Variants in AUTS2 observed in about 807,000 individuals in gnomAD.
AUTS2 encodes the protein activator of transcription and developmental regulator AUTS2, also known as autism susceptibility gene 2 protein.
Under a neutral mutation model 112.4 loss-of-function variants are expected in AUTS2, and 17 were observed. That is an observed-to-expected ratio of 0.15 (90% confidence interval 0.10 to 0.23). The LOEUF (loss-of-function observed/expected upper bound fraction) is 0.23. Ranked by LOEUF, AUTS2 falls within the 10% of genes least tolerant of loss-of-function variation. The pLI is 1.00. For missense variants in AUTS2, 1,510 were observed against 1,701.6 expected (o/e 0.89, Z 1.98); for synonymous variants, 751 against 702.7 (o/e 1.07, Z -1.09).
chr7:70,506,034 T>G (rs3094893), intron 5 of AUTS2, among the ~76,000 whole-genome samples: 44,497 of 152,034 alleles, frequency 0.29, 7,169 homozygotes, highest in African/African-American at 0.41. Context: ...GTTTGTACCT[T>G]GTTTGAGATC....
At chr7:70,053,417 C>T (rs1180355956) in intron 2 of AUTS2, among the ~76,000 whole-genome samples, 3 of 152,136 alleles carry the variant, frequency 2.0e-5, no homozygotes, top group Non-Finnish European at 4.4e-5. Flanking sequence ...GGCCAGGCAC[C>T]AAAGTGAATA....
At chr7:69,847,107 G>A (rs745652740) in intron 1 of AUTS2, among the ~76,000 whole-genome samples, 1 of 152,096 alleles carries the variant, frequency 6.6e-6, no homozygotes, top group East Asian at 1.9e-4. Context: ...CTACCCCCCA[G>A]TACATGCATA....
chr7:69,782,691 T>A (rs1359514893), intron 1 of AUTS2, among the ~76,000 whole-genome samples: 1 of 151,982 alleles, frequency 6.6e-6, no homozygotes, highest in African/African-American at 2.4e-5. Context: ...AAAAAAAAAA[T>A]CAGACATTAC....
At chr7:69,634,151 G>C (rs1294801201) in intron 1 of AUTS2, among the ~76,000 whole-genome samples, 1 of 150,162 alleles carries the variant, frequency 6.7e-6, no homozygotes, top group African/African-American at 2.5e-5. Flanking sequence ...ACGGAGTCTC[G>C]CTCTGTGGCC....
At chr7:70,690,160 T>C (rs1042275985) in intron 5 of AUTS2, among the ~76,000 whole-genome samples, 2 of 152,176 alleles carry the variant, frequency 1.3e-5, no homozygotes, top group Non-Finnish European at 2.9e-5. Flanking sequence ...CTGTCCTGGC[T>C]CAGAAATGGC....
At chr7:70,769,330 C>T (rs558837561) in intron 10 of AUTS2, among the ~76,000 whole-genome samples, 2 of 152,330 alleles carry the variant, frequency 1.3e-5, no homozygotes, top group South Asian at 4.1e-4. Context: ...GGGTCTGGCC[C>T]ATGGATGCCA....
At chr7:70,629,326 G>A (rs1805133446) in intron 5 of AUTS2, among the ~76,000 whole-genome samples, 1 of 152,072 alleles carries the variant, frequency 6.6e-6, no homozygotes, top group African/African-American at 2.4e-5. Context: ...CAAAAAATTA[G>A]CCAGGCGTGG....
chr7:69,764,391 T>C (rs1308161280), intron 1 of AUTS2, among the ~76,000 whole-genome samples: 1 of 151,822 alleles, frequency 6.6e-6, no homozygotes, highest in Non-Finnish European at 1.5e-5. Flanking sequence ...TTTTTTTTTC[T>C]TTTTCCTTTA....
rs757104164 is a variant in AUTS2 at position 70,118,124 on chromosome 7, G to C, written c.523-8G>C. 3.2e-6 allele frequency: 5 copies of C among 1,575,330 alleles called. No individual in the cohort carries two copies. In the East Asian group the frequency reaches 6.9e-5, roughly 22 times the overall value. The stretch of plus-strand genomic sequence containing the variant: ...TTTTTCCTTTTTTCTCTTTTCTTTT[G>C]CCTTTAGCTCAAGCCAGGACAGAAC... On this transcript the variant is annotated splice_polypyrimidine_tract_variant and splice_region_variant and intron_variant, in intron 2 of 18. Coordinates refer to ENST00000342771, the MANE Select transcript of AUTS2 (RefSeq NM_015570.4).
At chr7:69,790,871 C>G (rs780515380) in intron 1 of AUTS2, among the ~76,000 whole-genome samples, 32 of 152,196 alleles carry the variant, frequency 2.1e-4, no homozygotes, top group Non-Finnish European at 4.3e-4. Flanking sequence ...TGCTGTGCTG[C>G]TGAGTGTCAT....
intron 5 of AUTS2, among the ~76,000 whole-genome samples, chr7:70,535,744 T>G (rs539997371): frequency 6.6e-6 from 1 of 152,324 alleles, no homozygotes; most frequent in East Asian, 1.9e-4. Flanking sequence ...TACTTGGTTA[T>G]AGGCCAGTGG....
intron 5 of AUTS2, among the ~76,000 whole-genome samples, chr7:70,577,813 T>G (rs1802236243): frequency 6.6e-6 from 1 of 150,880 alleles, no homozygotes; most frequent in Non-Finnish European, 1.5e-5. Flanking sequence ...ATTGGGTTTT[T>G]TTTTAATTTT....
chr7:70,513,919 C>T (rs911765821), intron 5 of AUTS2, among the ~76,000 whole-genome samples: 1 of 152,170 alleles, frequency 6.6e-6, no homozygotes, highest in South Asian at 2.1e-4. Flanking sequence ...CTTGGCCTCC[C>T]AAAGTGCTGG....
intron 6 of AUTS2, among the ~76,000 whole-genome samples, chr7:70,716,371 T>C (rs879341160): frequency 2.0e-4 from 31 of 152,088 alleles, no homozygotes; most frequent in African/African-American, 4.3e-4. Context: ...CAGTGGCTCA[T>C]GCCTGTAATC....
intron 5 of AUTS2, among the ~76,000 whole-genome samples, chr7:70,655,839 G>C (rs1400825268): frequency 6.6e-6 from 1 of 152,196 alleles, no homozygotes; most frequent in Admixed American, 6.5e-5. Flanking sequence ...ACAGTGGTCA[G>C]AGCACCTTTT....
intron 6 of AUTS2, among the ~76,000 whole-genome samples, chr7:70,723,399 C>G (rs1786815477): frequency 6.6e-6 from 1 of 152,040 alleles, no homozygotes; most frequent in Non-Finnish European, 1.5e-5. Flanking sequence ...CGGACCTCAT[C>G]ATAGACCTCC....
intron 2 of AUTS2, among the ~76,000 whole-genome samples, chr7:70,089,523 T>C (rs1054857125): frequency 6.6e-6 from 1 of 152,162 alleles, no homozygotes; most frequent in Non-Finnish European, 1.5e-5. Context: ...AGAACTTGTT[T>C]TGGGGTATTT....
chr7:70,378,969 A>G (rs1156814835), intron 4 of AUTS2, among the ~76,000 whole-genome samples: 1 of 152,168 alleles, frequency 6.6e-6, no homozygotes, highest in Non-Finnish European at 1.5e-5. Flanking sequence ...TTGTTAGAAC[A>G]TTGTTTCATA....
chr7:70,420,570 G>T (rs1398235722), intron 4 of AUTS2, among the ~76,000 whole-genome samples: 1 of 152,194 alleles, frequency 6.6e-6, no homozygotes, highest in Non-Finnish European at 1.5e-5. Flanking sequence ...GTTCCTGGGG[G>T]ATGACAATAA....
Sources: allele counts gnomAD v4.1 joint callset (sites outside exome capture counted in the v4.1 genomes callset), GRCh38; gene constraint gnomAD v4.1.1; transcripts MANE v1.5; gene names NCBI Gene and HGNC (gene_info 2026-07-23, HGNC 2026-07-21).